KNTC1: variants seen among roughly 807,000 people sequenced by gnomAD.
The protein encoded by KNTC1 is kinetochore associated 1, also known as kinetochore-associated protein 1.
In KNTC1, 253 loss-of-function variants were observed where a neutral mutation model predicts 314.4. That is an observed-to-expected ratio of 0.80 (90% CI 0.73 to 0.89). KNTC1 has a LOEUF of 0.89. Among genes scored for constraint, KNTC1 ranks in the 40% least tolerant of loss-of-function variants. KNTC1 has a pLI of 0.00. For missense variants in KNTC1, 2,475 were observed against 2,572.9 expected, an observed-to-expected ratio of 0.96 and a Z score of 0.82; for synonymous variants, 901 against 901.4, an observed-to-expected ratio of 1.00 and a Z score of 0.01.
Position 122,626,374 on chromosome 12 carries a change from G to A in KNTC1, c.*146G>A, listed in dbSNP as rs1219380527. The A allele has an allele frequency of 8.1e-6, 5 of 619,904 alleles. No individual in the cohort carries two copies. Among genetic ancestry groups the A allele is most frequent in the Non-Finnish European group, 1.4e-5 (5 of 352,224 alleles). The allele number at this position is 619,904 out of a possible 1,614,324, so 38.4% of individuals were successfully genotyped here. On this transcript the variant is annotated 3_prime_UTR_variant, in exon 64 of 64. Coordinates refer to ENST00000333479, the MANE Select transcript of KNTC1 (RefSeq NM_014708.6). ...CCACATGTAATAAATAAAACAATAT[G>A]AGCATAATTGCCCCATAAAGAACTC...
intron 44 of KNTC1, 148 bp downstream of exon 44, chr12:122,598,086 A>T: frequency 1.5e-6 from 1 of 669,398 alleles, no homozygotes; most frequent in Non-Finnish European, 2.5e-6. Context: ...TATTTTTAAC[A>T]CAGTTAAATA....
intron 20 of KNTC1, among the ~76,000 whole-genome samples, chr12:122,566,174 C>CTCG (rs952407515): frequency 2.0e-5 from 3 of 151,746 alleles, no homozygotes; most frequent in Non-Finnish European, 2.9e-5. Context: ...AACTCCTGAC[C>CTCG]TCGTAATCTG....
chr12:122,617,240 T>C (rs1337555695), intron 57 of KNTC1, among the ~76,000 whole-genome samples: 2 of 152,204 alleles, frequency 1.3e-5, no homozygotes, highest in Non-Finnish European at 2.9e-5. Flanking sequence ...AGTGGGCTTG[T>C]TGGGTCTTAC....
At chr12:122,618,319 C>T (rs1307809458) in intron 57 of KNTC1, 24 bp from the exon 58 acceptor site, 4 of 1,608,512 alleles carry the variant, frequency 2.5e-6, no homozygotes, top group Non-Finnish European at 3.4e-6. Flanking sequence ...CATGAATATC[C>T]CAAACGTGGA....
rs776058271 is a variant in KNTC1 at position 122,602,524 on chromosome 12, G to A, written c.4654-45G>A. ...ATTAGATGATTTTATGACAGTTTAGGATTGGGTTACTCTTACTGGACAAAA... is the reference window on the plus strand; with the variant it reads ...ATTAGATGATTTTATGACAGTTTAGAATTGGGTTACTCTTACTGGACAAAA... On this transcript the variant is annotated intron_variant, in intron 45 of 63. Coordinates refer to ENST00000333479, the MANE Select transcript of KNTC1 (RefSeq NM_014708.6). The A allele has an allele frequency of 3.9e-5, 47 of 1,190,834 alleles. No individual in the cohort carries two copies. In the Middle Eastern group the frequency reaches 7.8e-4, roughly 20 times the overall value. 73.8% of individuals were successfully genotyped at this position (1,190,834 alleles called of 1,614,324 possible). A position where few individuals can be genotyped will look rare whatever the true frequency, so the allele number is the denominator to read the frequency against.
chr12:122,596,334 C>T (rs1309564541), intron 43 of KNTC1, among the ~76,000 whole-genome samples: 7 of 151,808 alleles, frequency 4.6e-5, no homozygotes, highest in African/African-American at 7.3e-5. Context: ...CCACCCGTCT[C>T]GACCTCCCAA....
intron 59 of KNTC1, among the ~76,000 whole-genome samples, chr12:122,619,843 T>C (rs997403191): frequency 1.3e-5 from 2 of 152,206 alleles, no homozygotes; most frequent in African/African-American, 2.4e-5. Context: ...TTTTGGTGAC[T>C]ACCCTAAATC....
At chr12:122,548,936 C>T (rs1248618956) in intron 12 of KNTC1, among the ~76,000 whole-genome samples, 2 of 152,018 alleles carry the variant, frequency 1.3e-5, no homozygotes, top group African/African-American at 2.4e-5. Context: ...CCAGTGTACT[C>T]CACCTGGGCA....
Position 122,562,625 on chromosome 12 carries a change from A to AT in KNTC1, c.1543-7dup, listed in dbSNP as rs1404728046. On this transcript the variant is annotated splice_polypyrimidine_tract_variant and intron_variant, in intron 19 of 63. Coordinates refer to ENST00000333479, the MANE Select transcript of KNTC1 (RefSeq NM_014708.6). Reference sequence around the variant, plus strand: ...GCATATAAATTCAGATTATTAAATTATTTTTTCTTCAGGTGCTAAGAGCTC... The same window carrying AT: ...GCATATAAATTCAGATTATTAAATTATTTTTTTCTTCAGGTGCTAAGAGCTC... 5 of 1,512,514 alleles carry AT rather than the reference A, an allele frequency of 3.3e-6. No homozygotes were observed. In the East Asian group the frequency reaches 9.1e-5, roughly 28 times the overall value. The allele number at this position is 1,512,514 out of a possible 1,614,324, so 93.7% of individuals were successfully genotyped here.
chr12:122,553,453 G>A (rs904422216), intron 16 of KNTC1, among the ~76,000 whole-genome samples: 2 of 152,018 alleles, frequency 1.3e-5, no homozygotes, highest in East Asian at 1.9e-4. Context: ...TCAGGTGTTT[G>A]AGGCTATACT....
intron 16 of KNTC1, among the ~76,000 whole-genome samples, chr12:122,554,086 T>A (rs1331801067): frequency 9.0e-5 from 13 of 144,194 alleles, no homozygotes; most frequent in African/African-American, 3.1e-4. Context: ...AATATATATA[T>A]ATATATATAT....
intron 34 of KNTC1, among the ~76,000 whole-genome samples, chr12:122,584,024 C>T (rs1868846848): frequency 6.6e-6 from 1 of 151,982 alleles, no homozygotes; most frequent in African/African-American, 2.4e-5. Flanking sequence ...ACTTGGGAGG[C>T]TGAAGTGAGA....
intron 13 of KNTC1, 88 bp from the exon 14 acceptor site, chr12:122,551,231 T>C (rs1486860321): frequency 4.6e-6 from 4 of 863,874 alleles, no homozygotes; most frequent in Non-Finnish European, 7.4e-6. Context: ...TGATGGATAA[T>C]TCATGCCTGA....
rs565561916 is a variant in KNTC1, at chr12:122,545,163, A to G, written c.669+894A>G. On this transcript the variant is annotated intron_variant, in intron 8 of 63. Coordinates refer to ENST00000333479, the MANE Select transcript of KNTC1 (RefSeq NM_014708.6). ...ATTTCTTTAAATTTTGGGGGAAAAT[A>G]CCTAATGTTATATTCAAAGAATAGG... is the stretch of plus-strand genomic sequence containing the variant. Among the ~76,000 whole-genome samples the G allele has an allele frequency of 1.8e-3, 281 of 152,308 alleles. 4 individuals are homozygous for G. The highest frequency in any genetic ancestry group is 6.5e-3 in the African/African-American group (270 of 41,560).
At chr12:122,611,414 A>G (rs1451757142) in intron 53 of KNTC1, 3 of 152,452 alleles carry the variant, frequency 2.0e-5, no homozygotes, top group East Asian at 3.8e-4. Context: ...CAGTAGGCAA[A>G]TGATTCTCAG....
At chr12:122,578,651 G>A (rs902319575) in intron 31 of KNTC1, among the ~76,000 whole-genome samples, 3 of 151,938 alleles carry the variant, frequency 2.0e-5, no homozygotes, top group Admixed American at 6.6e-5. Context: ...AACTCCTGAC[G>A]CCAACTGATC....
intron 35 of KNTC1, 84 bp from the exon 36 acceptor site, chr12:122,584,809 T>C (rs1433767741): frequency 3.2e-5 from 24 of 742,628 alleles, no homozygotes; most frequent in Non-Finnish European, 5.3e-5. Flanking sequence ...CTTAGAATTT[T>C]AAATGGTAAT....
At chr12:122,568,400 C>A (rs772920456) in intron 21 of KNTC1, 28 bp downstream of exon 21, 1 of 1,230,858 alleles carries the variant, frequency 8.1e-7, no homozygotes, top group Non-Finnish European at 1.2e-6. Context: ...TTTTCCTTAA[C>A]AGCTTTATAG....
chr12:122,556,104 C>T (rs556154378), intron 16 of KNTC1, among the ~76,000 whole-genome samples: 1 of 152,006 alleles, frequency 6.6e-6, no homozygotes, highest in Non-Finnish European at 1.5e-5. Flanking sequence ...CCTCCACCTA[C>T]CTCCCAGGTT....
Sources: gnomAD v4.1 joint callset for allele counts (sites outside exome capture counted in the v4.1 genomes callset) on GRCh38, gnomAD v4.1.1 for gene constraint, MANE v1.5 for transcripts, NCBI Gene and HGNC (gene_info 2026-07-23, HGNC 2026-07-21) for gene names.